PTPRN2: variants seen among roughly 807,000 people sequenced by gnomAD.
PTPRN2 encodes the protein protein tyrosine phosphatase receptor type N2, also known as receptor-type tyrosine-protein phosphatase N2.
A neutral mutation model predicts 118.8 loss-of-function variants in PTPRN2; 74 were observed. The observed-to-expected ratio is 0.62, with a 90% confidence interval of 0.52 to 0.76. The LOEUF (loss-of-function observed/expected upper bound fraction) is 0.76. PTPRN2 is among the 30% of genes least tolerant of loss of function. The pLI is 0.00. For missense variants in PTPRN2, 1,481 were observed against 1,394.4 expected, an observed-to-expected ratio of 1.06 and a Z score of -0.99; for synonymous variants, 641 against 608.0, an observed-to-expected ratio of 1.05 and a Z score of -0.80.
chr7:157,556,613 C>G (rs1197149035), intron 21 of PTPRN2, among the ~76,000 whole-genome samples: 2 of 151,780 alleles, frequency 1.3e-5, no homozygotes, highest in African/African-American at 4.8e-5. Context: ...ACACACCCCA[C>G]ACATCATACA....
Position 158,523,658 on chromosome 7 carries a change from T to TCGTCTGCCCTGGAGC in PTPRN2, c.113-33874_113-33873insGCTCCAGGGCAGACG, listed in dbSNP as rs1194603992. ...CCCTGGAGCGGAGTCTGCCCTGGAG[T>TCGTCTGCCCTGGAGC]GGAGTCGTCTGCCCTGGAGCGGAGT... is the stretch of plus-strand genomic sequence containing the variant. On this transcript the variant is annotated intron_variant, in intron 1 of 22. Transcript: ENST00000389418. 2.9e-4 allele frequency among the ~76,000 whole-genome samples: 7 copies of TCGTCTGCCCTGGAGC among 24,424 alleles called. 1 individual carries two copies. Among genetic ancestry groups the TCGTCTGCCCTGGAGC allele is most frequent in the African/African-American group, 4.9e-4 (3 of 6,150 alleles). 16.0% of individuals were successfully genotyped at this position (24,424 alleles called of 152,430 possible).
At chr7:157,655,208 T>C (rs1805992179) in intron 14 of PTPRN2, among the ~76,000 whole-genome samples, 1 of 152,216 alleles carries the variant, frequency 6.6e-6, no homozygotes, top group Non-Finnish European at 1.5e-5. Flanking sequence ...GCCAGGCTTC[T>C]TGACTGTTGC....
intron 2 of PTPRN2, among the ~76,000 whole-genome samples, chr7:158,409,653 CG>C (rs1813877330): frequency 6.6e-6 from 1 of 152,138 alleles, no homozygotes; most frequent in Non-Finnish European, 1.5e-5. Context: ...GTGAGGGTTC[CG>C]GGGGTCTCTA....
intron 11 of PTPRN2, among the ~76,000 whole-genome samples, chr7:157,985,823 C>T (rs1803740173): frequency 6.6e-6 from 1 of 152,118 alleles, no homozygotes; most frequent in African/African-American, 2.4e-5. Context: ...GGATAGCCCA[C>T]CTGGCTGACG....
chr7:157,831,878 C>A lies in PTPRN2; in HGVS notation c.1788+66795G>T, dbSNP rs1016281475. Among the ~76,000 whole-genome samples, 1 of 152,192 alleles carries A rather than the reference C, an allele frequency of 6.6e-6. No individual in the cohort carries two copies. Among genetic ancestry groups the A allele is most frequent in the Non-Finnish European group, 1.5e-5 (1 of 68,044 alleles). On this transcript the variant is annotated intron_variant, in intron 12 of 22. Coordinates refer to ENST00000389418, the MANE Select transcript of PTPRN2 (RefSeq NM_002847.5). The surrounding 1 kb of genome is among the most constrained non-coding windows in gnomAD (Gnocchi z 4.8). ...GATATTCCAGGGTTTAATTCATAGC[C>A]ATCCTTAAGCTGGGGGAGGGCAGTT... is the stretch of plus-strand genomic sequence containing the variant.
At chr7:157,751,229 G>C (rs1801445367) in intron 12 of PTPRN2, among the ~76,000 whole-genome samples, 1 of 152,178 alleles carries the variant, frequency 6.6e-6, no homozygotes, top group African/African-American at 2.4e-5. Context: ...GCTCGTGGAT[G>C]GGGGGCACAA....
At chr7:157,891,948 C>T (rs947350034) in intron 12 of PTPRN2, among the ~76,000 whole-genome samples, 3 of 152,238 alleles carry the variant, frequency 2.0e-5, no homozygotes, top group African/African-American at 4.8e-5. Context: ...TTCCCCTCAG[C>T]TTCTTCTCAG....
At chr7:158,520,330 C>T (rs940644476) in intron 1 of PTPRN2, among the ~76,000 whole-genome samples, 8 of 152,176 alleles carry the variant, frequency 5.3e-5, no homozygotes, top group South Asian at 2.1e-4. Flanking sequence ...TGTGAAATTC[C>T]CCCTTCAGCA....
intron 10 of PTPRN2, among the ~76,000 whole-genome samples, chr7:158,084,528 T>C (rs987232528): frequency 6.6e-6 from 1 of 151,924 alleles, no homozygotes; most frequent in Non-Finnish European, 1.5e-5. Context: ...AATCAGGAAA[T>C]AAAAAGTAAA....
Position 158,546,141 on chromosome 7 carries a change from A to T in PTPRN2, c.112+41417T>A, listed in dbSNP as rs1425782667. Among the ~76,000 whole-genome samples the T allele has an allele frequency of 6.6e-6, 1 of 152,178 alleles. No homozygotes were observed. The highest frequency in any genetic ancestry group is 1.5e-5 in the Non-Finnish European group (1 of 68,024). On this transcript the variant is annotated intron_variant, in intron 1 of 22. Coordinates refer to ENST00000389418, the MANE Select transcript of PTPRN2 (RefSeq NM_002847.5). The surrounding 1 kb of genome is among the most constrained non-coding windows in gnomAD (Gnocchi z 5.0). ...GTGAAGGGTCATGCAGAAAAGCAGG[A>T]CTGGGTGTGAGCATGAGGACAGGAA... is the stretch of plus-strand genomic sequence containing the variant.
intron 14 of PTPRN2, among the ~76,000 whole-genome samples, chr7:157,641,492 G>A (rs936938902): frequency 6.6e-5 from 10 of 152,152 alleles, no homozygotes; most frequent in African/African-American, 1.7e-4. Flanking sequence ...CACAGTGGGC[G>A]TCATTATTTT....
intron 2 of PTPRN2, among the ~76,000 whole-genome samples, chr7:158,338,554 G>C (rs373833020): frequency 5.2e-4 from 34 of 65,264 alleles, no homozygotes; most frequent in Admixed American, 9.3e-4. Context: ...ACCATAAGAG[G>C]TGACACCTGC....
intron 15 of PTPRN2, among the ~76,000 whole-genome samples, chr7:157,612,055 C>A (rs941284641): frequency 6.6e-6 from 1 of 152,210 alleles, no homozygotes; most frequent in African/African-American, 2.4e-5. Context: ...CACTGCCCAT[C>A]CCTGGCGCTC....
At chr7:158,464,590 T>A (rs2260676) in intron 2 of PTPRN2, among the ~76,000 whole-genome samples, 99,860 of 145,636 alleles carry the variant, frequency 0.69, 34,686 homozygotes, top group Admixed American at 0.78. Flanking sequence ...ACCGTCATCA[T>A]CCATACCGTC....
intron 3 of PTPRN2, among the ~76,000 whole-genome samples, chr7:158,275,799 G>A (rs1038692948): frequency 4.6e-5 from 7 of 152,100 alleles, no homozygotes; most frequent in African/African-American, 9.7e-5. Context: ...GGCCTCCACC[G>A]CCAAAGCCAC....
At chr7:158,415,222 GC>G (rs1253417779) in intron 2 of PTPRN2, among the ~76,000 whole-genome samples, 1 of 152,164 alleles carries the variant, frequency 6.6e-6, no homozygotes, top group Admixed American at 6.5e-5. Flanking sequence ...CCCACTCTGG[GC>G]CCCAGCGACA....
chr7:158,359,886 C>G (rs1309391330), intron 2 of PTPRN2, among the ~76,000 whole-genome samples: 1 of 152,108 alleles, frequency 6.6e-6, no homozygotes, highest in Non-Finnish European at 1.5e-5. Flanking sequence ...CTTGGCCCCT[C>G]CTTGGTGCCC....
At chr7:157,562,675 CGCGTCACCACACACAGCAG>C (rs1799250293) in intron 21 of PTPRN2, among the ~76,000 whole-genome samples, 1 of 151,164 alleles carries the variant, frequency 6.6e-6, no homozygotes, top group Non-Finnish European at 1.5e-5. Flanking sequence ...CATGTGCTCC[CGCGTCACCACACACAGCAG>C]ATCAGGACCA....
intron 12 of PTPRN2, among the ~76,000 whole-genome samples, chr7:157,852,331 T>C (rs183256777): frequency 6.6e-6 from 1 of 152,200 alleles, no homozygotes; most frequent in Admixed American, 6.5e-5. Flanking sequence ...CTAAAAAAAG[T>C]AGAATGAGGT....
Sources: gnomAD v4.1 joint callset for allele counts (sites outside exome capture counted in the v4.1 genomes callset) on GRCh38, gnomAD v4.1.1 for gene constraint, Gnocchi (gnomAD v3.1) non-coding constraint, MANE v1.5 for transcripts, NCBI Gene and HGNC (gene_info 2026-07-23, HGNC 2026-07-21) for gene names.